SMC3: variants seen among roughly 807,000 people sequenced by gnomAD.
The protein encoded by SMC3 is structural maintenance of chromosomes 3, also known as structural maintenance of chromosomes protein 3.
SMC3 carries 20 observed loss-of-function variants against 171.8 expected under a neutral mutation model. The observed-to-expected ratio is 0.12, with a 90% CI of 0.08 to 0.17. SMC3 has a LOEUF of 0.17. SMC3 is among the 10% of genes least tolerant of loss of function. The pLI is 1.00. For missense variants in SMC3, 543 were observed against 1,420.4 expected (o/e 0.38, Z 9.93); for synonymous variants, 464 against 451.1 (o/e 1.03, Z -0.36).
chr10:110,583,808 T>C (rs762950225), intron 11 of SMC3, 33 bp from the exon 12 acceptor site: 45 of 1,608,574 alleles, frequency 2.8e-5, no homozygotes, highest in Non-Finnish European at 5.9e-6. Flanking sequence ...TGCAAAAAAT[T>C]TAAAGCAGTT....
chr10:110,591,878 A>G (rs1229926929), intron 17 of SMC3, among the ~76,000 whole-genome samples: 1 of 152,180 alleles, frequency 6.6e-6, no homozygotes, highest in Admixed American at 6.5e-5. Flanking sequence ...AAGTTTGGGT[A>G]AGAAAAATTG....
chr10:110,604,011 C>T (rs1331434997), intron 28 of SMC3, among the ~76,000 whole-genome samples: 1 of 139,110 alleles, frequency 7.2e-6, no homozygotes, highest in Non-Finnish European at 1.5e-5. Context: ...AGAATAATTG[C>T]TTGAACCTGG....
chr10:110,604,186 A>G (rs773103583), intron 28 of SMC3, 45 bp from the exon 29 acceptor site: 2 of 1,182,596 alleles, frequency 1.7e-6, no homozygotes, highest in Non-Finnish European at 1.3e-6. Flanking sequence ...CAATGTAAAC[A>G]CTGATGTAAT....
At chr10:110,602,728 T>C in intron 26 of SMC3, 63 bp downstream of exon 26, 1 of 1,579,564 alleles carries the variant, frequency 6.3e-7, no homozygotes, top group South Asian at 1.1e-5. Context: ...ATAGTATCTT[T>C]TGCAAATCTG....
chr10:110,573,940 G>C (rs1005249705), intron 3 of SMC3, among the ~76,000 whole-genome samples, 195 bp downstream of exon 3: 2 of 152,158 alleles, frequency 1.3e-5, no homozygotes, highest in Non-Finnish European at 2.9e-5. Context: ...GATTAGCTGT[G>C]TGAGAGTGGG....
intron 23 of SMC3, 27 bp downstream of exon 23, chr10:110,601,157 TTTATATGCA>T: frequency 6.7e-7 from 1 of 1,489,778 alleles, no homozygotes; most frequent in African/African-American, 1.4e-5. Context: ...TAAAATTTTG[TTTATATGCA>T]TGTTTTATAA....
At chr10:110,596,028 A>C (rs948531221) in intron 18 of SMC3, among the ~76,000 whole-genome samples, 1 of 145,776 alleles carries the variant, frequency 6.9e-6, no homozygotes, top group Admixed American at 7.1e-5. Context: ...ACTTGAGGGC[A>C]GGAGTTCGAG....
At chr10:110,602,721 G>T in intron 26 of SMC3, 56 bp downstream of exon 26, 2 of 1,581,174 alleles carry the variant, frequency 1.3e-6, no homozygotes, top group Non-Finnish European at 1.7e-6. Flanking sequence ...AGAATTTATA[G>T]TATCTTTTGC....
chr10:110,574,743 C>T (rs1860922399), intron 3 of SMC3, among the ~76,000 whole-genome samples: 1 of 152,220 alleles, frequency 6.6e-6, no homozygotes, highest in Admixed American at 6.5e-5. Flanking sequence ...ACAAGAACAG[C>T]TGAGTAAAGA....
chr10:110,571,190 G>C (rs1860865759), intron 2 of SMC3, among the ~76,000 whole-genome samples: 1 of 150,738 alleles, frequency 6.6e-6, no homozygotes, highest in African/African-American at 2.5e-5. Flanking sequence ...TGATTCTTCA[G>C]AGATAACCAT....
chr10:110,604,453 A>G lies in SMC3; in HGVS notation c.*151A>G, dbSNP rs931388821. The G allele has an allele frequency of 8.0e-6, 5 of 621,458 alleles. No homozygotes were observed. Among genetic ancestry groups the G allele is most frequent in the African/African-American group, 1.8e-5 (1 of 54,240 alleles). 38.5% of individuals were successfully genotyped at this position (621,458 alleles called of 1,614,324 possible). A position where few individuals can be genotyped will look rare whatever the true frequency, so the allele number is the denominator to read the frequency against. ...TATATTTGTCTTTGTATTTTATAAG[A>G]TACTCTGTAATGTCATGTTTGTACT... is the stretch of plus-strand genomic sequence containing the variant. On this transcript the variant is annotated 3_prime_UTR_variant, in exon 29 of 29. Coordinates refer to ENST00000361804, the MANE Select transcript of SMC3 (RefSeq NM_005445.4).
At chr10:110,597,999 GTT>G in intron 19 of SMC3, 138 bp from the exon 20 acceptor site, 1 of 742,722 alleles carries the variant, frequency 1.3e-6, no homozygotes, top group Non-Finnish European at 2.3e-6. Context: ...GTTCAGCATT[GTT>G]TTGGTCCATA....
intron 19 of SMC3, among the ~76,000 whole-genome samples, chr10:110,597,102 C>A (rs1312010115): frequency 2.0e-5 from 3 of 149,414 alleles, no homozygotes; most frequent in Non-Finnish European, 4.4e-5. Flanking sequence ...TGAGATCACA[C>A]CACTGCACTC....
At chr10:110,581,800 A>G (rs184618222) in intron 8 of SMC3, 123 bp from the exon 9 acceptor site, 176 of 967,684 alleles carry the variant, frequency 1.8e-4, no homozygotes, top group Middle Eastern at 3.1e-4. Flanking sequence ...TTGGGTTACC[A>G]CATCACATCA....
At chr10:110,595,537 A>G (rs1861286759) in intron 18 of SMC3, among the ~76,000 whole-genome samples, 1 of 152,142 alleles carries the variant, frequency 6.6e-6, no homozygotes, top group Non-Finnish European at 1.5e-5. Context: ...ATAATATGTG[A>G]GATTATTCTT....
chr10:110,568,594 G>A (rs1369790981), intron 1 of SMC3: 5 of 278,054 alleles, frequency 1.8e-5, no homozygotes, highest in Non-Finnish European at 2.7e-5. Flanking sequence ...AGGAGAGCTG[G>A]GGCCCGTCGG....
intron 4 of SMC3, among the ~76,000 whole-genome samples, chr10:110,576,604 T>A (rs1216038866): frequency 1.3e-5 from 2 of 152,218 alleles, no homozygotes; most frequent in African/African-American, 4.8e-5. Context: ...CTTAACAGTG[T>A]TTCTCACACA....
At chr10:110,579,932 A>G (rs1224578462) in intron 7 of SMC3, among the ~76,000 whole-genome samples, 2 of 152,204 alleles carry the variant, frequency 1.3e-5, no homozygotes, top group Non-Finnish European at 2.9e-5. Flanking sequence ...AAGTTGTACC[A>G]TTCTCTCTAT....
chr10:110,586,017 T>C (rs11195202), intron 13 of SMC3, among the ~76,000 whole-genome samples: 17,698 of 151,990 alleles, frequency 0.12, 1,211 homozygotes, highest in East Asian at 0.26. Flanking sequence ...AGGATGGTCT[T>C]GATCTCTTGA....
Sources: gnomAD v4.1 joint callset for allele counts (sites outside exome capture counted in the v4.1 genomes callset) on GRCh38, gnomAD v4.1.1 for gene constraint, MANE v1.5 for transcripts, NCBI Gene and HGNC (gene_info 2026-07-23, HGNC 2026-07-21) for gene names.